TNIK: variants seen among roughly 807,000 people sequenced by gnomAD.
The protein encoded by TNIK is TRAF2 and NCK interacting kinase.
Under a neutral mutation model 191.3 loss-of-function variants are expected in TNIK, and 49 were observed. The observed-to-expected ratio is 0.26, with a 90% CI of 0.20 to 0.32. The LOEUF (loss-of-function observed/expected upper bound fraction) is 0.32. Among genes scored for constraint, TNIK ranks in the 10% least tolerant of loss-of-function variants. The pLI, the probability that TNIK is intolerant of heterozygous loss-of-function variation, is 1.00. For missense variants in TNIK, 1,155 were observed against 1,702.3 expected (o/e 0.68, Z 5.66); for synonymous variants, 594 against 600.9 (o/e 0.99, Z 0.17).
At chr3:171,438,500 G>A (rs935717590) in intron 1 of TNIK, among the ~76,000 whole-genome samples, 1 of 152,198 alleles carries the variant, frequency 6.6e-6, no homozygotes, top group African/African-American at 2.4e-5. Context: ...TACGTGTTAG[G>A]CACACTGCAG....
intron 2 of TNIK, among the ~76,000 whole-genome samples, chr3:171,357,672 A>C (rs1337808950): frequency 1.3e-5 from 2 of 151,928 alleles, no homozygotes; most frequent in African/African-American, 4.8e-5. Context: ...AGAGGATTAC[A>C]AACAGGTCAG....
At chr3:171,396,795 C>G (rs984825582) in intron 1 of TNIK, among the ~76,000 whole-genome samples, 1 of 152,156 alleles carries the variant, frequency 6.6e-6, no homozygotes, top group Non-Finnish European at 1.5e-5. Context: ...TCAGTTGATT[C>G]TTTTGACTCT....
chr3:171,410,845 T>C (rs1577834268), intron 1 of TNIK, among the ~76,000 whole-genome samples: 1 of 150,770 alleles, frequency 6.6e-6, no homozygotes, highest in East Asian at 2.0e-4. Flanking sequence ...TTCTGCCATA[T>C]TTTATATGTC....
chr3:171,402,820 C>T (rs1003989052), intron 1 of TNIK, among the ~76,000 whole-genome samples: 1 of 152,184 alleles, frequency 6.6e-6, no homozygotes, highest in Non-Finnish European at 1.5e-5. Context: ...AATTAATGTT[C>T]CCATTTTTTG....
chr3:171,443,887 C>T (rs749496826), intron 1 of TNIK, among the ~76,000 whole-genome samples: 9 of 152,278 alleles, frequency 5.9e-5, no homozygotes, highest in South Asian at 2.1e-4. Context: ...ATTAACACCT[C>T]TTCTGAGAAA....
At chr3:171,312,921 T>G (rs1754207277) in intron 2 of TNIK, among the ~76,000 whole-genome samples, 1 of 152,174 alleles carries the variant, frequency 6.6e-6, no homozygotes, top group Non-Finnish European at 1.5e-5. Context: ...ATGAAAGTCT[T>G]GGACCACAGC....
intron 22 of TNIK, among the ~76,000 whole-genome samples, chr3:171,100,069 C>T (rs1402148988): frequency 6.6e-6 from 1 of 152,158 alleles, no homozygotes; most frequent in Non-Finnish European, 1.5e-5. Flanking sequence ...GTTTTAGCAA[C>T]CTTTTAATTT....
At chr3:171,104,987 C>T (rs183892847) in intron 21 of TNIK, among the ~76,000 whole-genome samples, 11 of 147,048 alleles carry the variant, frequency 7.5e-5, no homozygotes, top group Admixed American at 7.3e-4. Context: ...TTTTCAAAGA[C>T]TATATTCAAA....
chr3:171,096,277 C>A (rs1316729924), intron 22 of TNIK, among the ~76,000 whole-genome samples: 3 of 152,056 alleles, frequency 2.0e-5, no homozygotes, highest in Admixed American at 2.0e-4. Context: ...TTGGTGGCCA[C>A]CCCGTCTTCA....
rs1009804332 is a variant in TNIK at position 171,191,283 on chromosome 3, T to C, written c.418-496A>G. Among the ~76,000 whole-genome samples the C allele has an allele frequency of 3.3e-5, 5 of 152,352 alleles. No homozygotes were observed. In the Middle Eastern group the frequency reaches 0.01, roughly 311 times the overall value. ...GATTGACTGAGACAGAGCCTTACTC[T>C]GTCGCCCAGGCTGGAGTGCAATGGC... is the stretch of plus-strand genomic sequence containing the variant. On this transcript the variant is annotated intron_variant, in intron 5 of 32. Coordinates refer to ENST00000436636, the MANE Select transcript of TNIK (RefSeq NM_015028.4).
intron 2 of TNIK, among the ~76,000 whole-genome samples, chr3:171,287,878 T>C (rs949707713): frequency 1.3e-5 from 2 of 152,060 alleles, no homozygotes; most frequent in African/African-American, 4.8e-5. Context: ...CGTATGTTTA[T>C]TGCGGCATTA....
chr3:171,341,328 C>A (rs879626531), intron 2 of TNIK, among the ~76,000 whole-genome samples: 8 of 151,602 alleles, frequency 5.3e-5, no homozygotes, highest in Non-Finnish European at 1.0e-4. Flanking sequence ...CAAAAATTAG[C>A]CAGGTCTGGT....
intron 26 of TNIK, among the ~76,000 whole-genome samples, chr3:171,083,504 A>C (rs150643169): frequency 9.4e-4 from 143 of 152,350 alleles, no homozygotes; most frequent in African/African-American, 3.3e-3. Context: ...ACACAGACCA[A>C]GACTTTGATA....
Position 171,144,448 on chromosome 3 carries a change from TAGAG to T in TNIK, c.1222-3943_1222-3940del, listed in dbSNP as rs1228045300. 1.2e-4 allele frequency among the ~76,000 whole-genome samples: 18 copies of T among 152,256 alleles called. No homozygotes were observed. In the East Asian group the frequency reaches 3.1e-3, roughly 26 times the overall value. On this transcript the variant is annotated intron_variant, in intron 12 of 32. Transcript: ENST00000436636. ...ATTTTAAATTTCTTATTTTAGACATTAGAGAAAGGCATGAAATATTTAAAAGTTC... is the reference window on the plus strand; with the variant it reads ...ATTTTAAATTTCTTATTTTAGACATTAAAGGCATGAAATATTTAAAAGTTC...
chr3:171,315,486 T>G (rs1376036319), intron 2 of TNIK, among the ~76,000 whole-genome samples: 1 of 152,122 alleles, frequency 6.6e-6, no homozygotes, highest in Non-Finnish European at 1.5e-5. Context: ...CATGAACTTC[T>G]CTCCAGAAGG....
At chr3:171,409,193 A>G (rs1245594739) in intron 1 of TNIK, among the ~76,000 whole-genome samples, 1 of 152,210 alleles carries the variant, frequency 6.6e-6, no homozygotes, top group Non-Finnish European at 1.5e-5. Flanking sequence ...GCAACTTGAT[A>G]TTTGCATATC....
intron 2 of TNIK, among the ~76,000 whole-genome samples, chr3:171,355,910 C>G (rs1422924419): frequency 6.6e-6 from 1 of 152,058 alleles, no homozygotes; most frequent in African/African-American, 2.4e-5. Flanking sequence ...ACACACAAAC[C>G]TAGGCATCCC....
intron 2 of TNIK, among the ~76,000 whole-genome samples, chr3:171,293,567 A>G (rs1751927325): frequency 6.6e-6 from 1 of 152,228 alleles, no homozygotes. Flanking sequence ...CACCTTTCTA[A>G]TAGTGGCTAG....
chr3:171,092,230 G>A (rs1017605619), intron 23 of TNIK, among the ~76,000 whole-genome samples: 3 of 152,076 alleles, frequency 2.0e-5, no homozygotes, highest in African/African-American at 7.2e-5. Flanking sequence ...TTACAGGCAC[G>A]AGCCACCGCG....
Sources: gnomAD v4.1 joint callset for allele counts (sites outside exome capture counted in the v4.1 genomes callset) on GRCh38, gnomAD v4.1.1 for gene constraint, MANE v1.5 for transcripts, NCBI Gene and HGNC (gene_info 2026-07-23, HGNC 2026-07-21) for gene names.